Variants in EPHB2 observed in about 807,000 individuals in gnomAD.
EPHB2 encodes the protein EPH receptor B2, also known as ephrin type-B receptor 2.
EPHB2 carries 18 observed loss-of-function variants against 96.4 expected under a neutral mutation model. The observed-to-expected ratio is 0.19, with a 90% CI of 0.13 to 0.28. EPHB2 has a LOEUF of 0.28. EPHB2 is among the 10% of genes least tolerant of loss of function. The probability of loss-of-function intolerance (pLI) is 1.00; values close to 1 mark genes in which losing one functional copy is unlikely to be tolerated. For synonymous variants in EPHB2, 506 were observed against 534.1 expected (o/e 0.95, Z 0.72); for missense variants, 989 against 1,355.4 (o/e 0.73, Z 4.25).
At chr1:22,755,643 G>A (rs4655102) in intron 1 of EPHB2, among the ~76,000 whole-genome samples, 140,925 of 152,180 alleles carry the variant, frequency 0.93, 66,219 homozygotes, top group East Asian at 1. Context: ...AAATGGCCAC[G>A]TGACCTTGGG....
intron 1 of EPHB2, among the ~76,000 whole-genome samples, chr1:22,745,931 C>G (rs748364991): frequency 6.6e-6 from 1 of 152,218 alleles, no homozygotes; most frequent in African/African-American, 2.4e-5. Flanking sequence ...CCACCCATTT[C>G]TACACCTCAG....
chr1:22,758,589 C>G (rs1266996153), intron 1 of EPHB2, among the ~76,000 whole-genome samples: 1 of 152,004 alleles, frequency 6.6e-6, no homozygotes, highest in Non-Finnish European at 1.5e-5. Flanking sequence ...TGATCCAAAG[C>G]CAGGGTGGGA....
chr1:22,852,315 G>T (rs1460925355), intron 3 of EPHB2, among the ~76,000 whole-genome samples: 1 of 152,166 alleles, frequency 6.6e-6, no homozygotes, highest in African/African-American at 2.4e-5. Context: ...TGGGGAGGGG[G>T]TTCCTGCCCA....
rs146687668 is a variant in EPHB2 at position 22,838,270 on chromosome 1, T to C, written c.812-24767T>C. 6.6e-4 allele frequency among the ~76,000 whole-genome samples: 101 copies of C among 152,316 alleles called. 2 individuals are homozygous for C. Among genetic ancestry groups the C allele is most frequent in the African/African-American group, 2.3e-3 (96 of 41,572 alleles). ...CAATAACCAATGTAAAAATGCTTTG[T>C]AGAGTCAAAATGCAATAAGGTTGGT... On this transcript the variant is annotated intron_variant, in intron 3 of 15. Transcript: ENST00000374630.
chr1:22,832,643 T>G (rs933743245), intron 3 of EPHB2, among the ~76,000 whole-genome samples: 6 of 152,098 alleles, frequency 3.9e-5, no homozygotes, highest in Non-Finnish European at 7.4e-5. Flanking sequence ...AGATGCCTCT[T>G]CCTCCAGGAA....
chr1:22,863,357 C>A, intron 4 of EPHB2, 165 bp downstream of exon 4: 2 of 1,112,106 alleles, frequency 1.8e-6, no homozygotes, highest in Non-Finnish European at 2.6e-6. Context: ...GGTGGCCATG[C>A]TCCCACCTTG....
chr1:22,785,591 A>T (rs1311180808), intron 3 of EPHB2, among the ~76,000 whole-genome samples: 1 of 152,234 alleles, frequency 6.6e-6, no homozygotes, highest in East Asian at 1.9e-4. Flanking sequence ...CTGAGAGCCA[A>T]ATGGATGGAG....
intron 3 of EPHB2, among the ~76,000 whole-genome samples, chr1:22,856,789 C>T (rs900636493): frequency 6.6e-6 from 1 of 152,142 alleles, no homozygotes; most frequent in Non-Finnish European, 1.5e-5. Context: ...CTGGGCCTGC[C>T]ACCTGGAAAG....
intron 3 of EPHB2, among the ~76,000 whole-genome samples, chr1:22,793,630 G>A (rs768998860): frequency 4.6e-5 from 7 of 152,132 alleles, no homozygotes; most frequent in African/African-American, 7.2e-5. Context: ...GTGCTGCCAG[G>A]GTTTCAGTTC....
At chr1:22,711,492 C>A (rs1643142522) in intron 1 of EPHB2, among the ~76,000 whole-genome samples, 1 of 150,594 alleles carries the variant, frequency 6.6e-6, no homozygotes, top group Non-Finnish European at 1.5e-5. Context: ...GAGGGAGGCA[C>A]CGCGGCCGGC....
At chr1:22,718,781 G>T (rs1189813427) in intron 1 of EPHB2, among the ~76,000 whole-genome samples, 1 of 152,098 alleles carries the variant, frequency 6.6e-6, no homozygotes, top group East Asian at 1.9e-4. Flanking sequence ...TTGTATTATT[G>T]TGCCCATTTT....
chr1:22,889,402 C>T (rs1639323665), intron 6 of EPHB2, among the ~76,000 whole-genome samples: 1 of 152,210 alleles, frequency 6.6e-6, no homozygotes, highest in African/African-American at 2.4e-5. Context: ...CCATGTTGTA[C>T]AGTGGCACTT....
At chr1:22,814,504 T>C (rs963827092) in intron 3 of EPHB2, among the ~76,000 whole-genome samples, 4 of 152,142 alleles carry the variant, frequency 2.6e-5, no homozygotes, top group Non-Finnish European at 5.9e-5. Context: ...AGACACCCAC[T>C]AAGCACCTAC....
At chr1:22,725,950 C>T (rs1260199419) in intron 1 of EPHB2, among the ~76,000 whole-genome samples, 1 of 152,198 alleles carries the variant, frequency 6.6e-6, no homozygotes, top group East Asian at 1.9e-4. Flanking sequence ...TGCTCTGCTG[C>T]TAGGCTTCTG....
In EPHB2 at chr1:22,907,968, T is replaced by C. The variant is rs773617571; in HGVS notation, c.2152T>C (p.Phe718Leu). Residue 718 changes from phenylalanine (F) to leucine (L), a missense_variant, in exon 12 of 16, where the codon TTC (phenylalanine) becomes CTC (leucine). Transcript: ENST00000374630. ...DSFLRQNDGQ[F>L]TVIQLVGMLR... is the part of the protein sequence containing the mutation. ...TCTCCCAAAGCAAAACGATGGGCAG[T>C]TCACAGTCATCCAGCTGGTGGGCAT... 6.2e-7 allele frequency: 1 copy of C among 1,614,240 alleles called. No homozygotes were observed. The highest frequency in any genetic ancestry group is 1.7e-5 in the Admixed American group (1 of 60,026).
intron 3 of EPHB2, among the ~76,000 whole-genome samples, chr1:22,810,398 G>A (rs779104843): frequency 2.6e-5 from 4 of 152,090 alleles, no homozygotes; most frequent in African/African-American, 7.2e-5. Flanking sequence ...CCTCCCCTTC[G>A]TGCTGCCCTC....
chr1:22,899,589 C>A (rs1418936293), intron 9 of EPHB2, among the ~76,000 whole-genome samples: 1 of 152,050 alleles, frequency 6.6e-6, no homozygotes, highest in East Asian at 1.9e-4. Flanking sequence ...AACTATTAAC[C>A]AATACAGAAA....
At chr1:22,831,136 T>A (rs1645298016) in intron 3 of EPHB2, among the ~76,000 whole-genome samples, 1 of 152,168 alleles carries the variant, frequency 6.6e-6, no homozygotes, top group Non-Finnish European at 1.5e-5. Flanking sequence ...ACTGCATCTT[T>A]GCAGGTCCAC....
chr1:22,855,945 G>A (rs1557715076), intron 3 of EPHB2, among the ~76,000 whole-genome samples: 1 of 152,140 alleles, frequency 6.6e-6, no homozygotes, highest in East Asian at 1.9e-4. Flanking sequence ...GCTCAGGTCT[G>A]GGGAGTAGGA....
Sources: gnomAD v4.1 joint callset for allele counts (sites outside exome capture counted in the v4.1 genomes callset) on GRCh38, gnomAD v4.1.1 for gene constraint, MANE v1.5 for transcripts, NCBI Gene and HGNC (gene_info 2026-07-23, HGNC 2026-07-21) for gene names.